COL4A4: variants seen among roughly 807,000 people sequenced by gnomAD.
COL4A4 encodes collagen type IV alpha 4 chain.
In COL4A4, 105 loss-of-function variants were observed where a neutral mutation model predicts 192.9. The ratio of observed to expected loss-of-function variants is 0.54; its 90% CI spans 0.46 to 0.64. COL4A4 has a LOEUF of 0.64. Among genes scored for constraint, COL4A4 ranks in the 30% least tolerant of loss-of-function variants. The probability of loss-of-function intolerance (pLI) is 0.00; values close to 1 mark genes in which losing one functional copy is unlikely to be tolerated. For synonymous variants in COL4A4, 762 were observed against 769.9 expected, an observed-to-expected ratio of 0.99 and a Z score of 0.17; for missense variants, 1,967 against 2,169.3, an observed-to-expected ratio of 0.91 and a Z score of 1.85.
At chr2:227,162,088 G>A (rs559175022) in intron 1 of COL4A4, among the ~76,000 whole-genome samples, 9 of 152,290 alleles carry the variant, frequency 5.9e-5, no homozygotes, top group African/African-American at 1.9e-4. Context: ...GCCCAGAGAG[G>A]TTAGGTCACA....
intron 46 of COL4A4, among the ~76,000 whole-genome samples, chr2:227,009,940 A>G (rs1963257487): frequency 6.6e-6 from 1 of 152,240 alleles, no homozygotes; most frequent in Non-Finnish European, 1.5e-5. Context: ...TTTTACATGT[A>G]AGTACAGGAA....
At chr2:226,997,789 T>C (rs1183705884), downstream of COL4A4, 3 of 152,226 alleles carry the variant, frequency 2.0e-5, no homozygotes, top group Non-Finnish European at 4.4e-5. Flanking sequence ...GTCATTTTAG[T>C]TATAAATGTA....
chr2:227,055,953 C>A lies in COL4A4; in HGVS notation c.2708G>T (p.Gly903Val). 1 of 1,613,852 alleles carries A rather than the reference C, an allele frequency of 6.2e-7. No individual in the cohort carries two copies. The highest frequency in any genetic ancestry group is 8.5e-7 in the Non-Finnish European group (1 of 1,179,916). ...FGDDGLPGPP[G>V]PKGPRGLPGF... is the part of the protein sequence containing the mutation. ...GAAAAAGCACTACCTACCCTTTGGA[C>A]CTGGAGGACCAGGTAGCCCATCATC... Residue 903 changes from glycine (G) to valine (V), a missense_variant, in exon 30 of 48, where the codon GGT (glycine) becomes GTT (valine). Coordinates refer to ENST00000396625, the MANE Select transcript of COL4A4 (RefSeq NM_000092.5).
upstream of COL4A4, chr2:227,164,414 T>C: frequency 2.2e-6 from 1 of 449,990 alleles, no homozygotes; most frequent in Non-Finnish European, 4.0e-6. The surrounding 1 kb of genome is among the most constrained non-coding windows in gnomAD (Gnocchi z 4.8). Flanking sequence ...CGCGCCCACC[T>C]GCCCCTCAGG....
At chr2:227,086,388 C>T (rs1003299564) in intron 22 of COL4A4, among the ~76,000 whole-genome samples, 6 of 152,040 alleles carry the variant, frequency 3.9e-5, no homozygotes, top group South Asian at 4.2e-4. Flanking sequence ...TTCCTCCTTT[C>T]CCTTCTTTTC....
chr2:227,026,451 A>G (rs1437465497), intron 42 of COL4A4, among the ~76,000 whole-genome samples: 1 of 151,466 alleles, frequency 6.6e-6, no homozygotes, highest in Non-Finnish European at 1.5e-5. Flanking sequence ...GTGAGCCGAG[A>G]TCGCACCACT....
chr2:227,057,852 A>G (rs934374224), intron 28 of COL4A4, among the ~76,000 whole-genome samples: 9 of 152,212 alleles, frequency 5.9e-5, no homozygotes, highest in African/African-American at 1.4e-4. Context: ...CAAATAAGAA[A>G]CCACTTGGTT....
In COL4A4 at chr2:227,057,507, T is replaced by A; in HGVS notation, c.2477A>T (p.His826Leu). 6.2e-7 allele frequency: 1 copy of A among 1,613,510 alleles called. No individual in the cohort carries two copies. Among genetic ancestry groups the A allele is most frequent in the Non-Finnish European group, 8.5e-7 (1 of 1,179,818 alleles). ...CCCTGGAGCACCTCTTTCACAGGAA[T>A]GGCCAGGTGGACCTGGGACACCTGG... ...GFPGVPGPPG[H>L]SCERGAPGIP... Residue 826 changes from histidine (H) to leucine (L), a missense_variant, in exon 29 of 48, where the codon CAT (histidine) becomes CTT (leucine). Transcript: ENST00000396625.
Position 227,158,610 on chromosome 2 carries a change from C to A in COL4A4, c.-102+5397G>T, listed in dbSNP as rs76436871. On this transcript the variant is annotated intron_variant, in intron 1 of 47. Transcript: ENST00000396625. ...TCTTGTATCCACAATATATAAATAA[C>A]TCTTACTATTCAACAATAAGAAGAT... Among the ~76,000 whole-genome samples the A allele has an allele frequency of 1.3e-3, 198 of 152,024 alleles. 4 individuals carry two copies. The East Asian group carries it at 0.033, about 25-fold the overall frequency.
the COL4A4 span, chr2:226,988,830 T>C: frequency 2.2e-6 from 1 of 463,300 alleles, no homozygotes. Context: ...AGGCTGACTT[T>C]TGCAGCTAGA....
At chr2:226,973,444 C>G in the COL4A4 span, among the ~76,000 whole-genome samples, 1 of 152,226 alleles carries the variant, frequency 6.6e-6, no homozygotes, top group Non-Finnish European at 1.5e-5. Context: ...TTTTTCCACT[C>G]TGTTTCCTCA....
chr2:227,101,533 G>GA lies in COL4A4; in HGVS notation c.999dup (p.Pro334SerfsTer96), dbSNP rs760803010. 6.2e-7 allele frequency: 1 copy of GA among 1,612,070 alleles called. No homozygotes were observed. Among genetic ancestry groups the GA allele is most frequent in the South Asian group, 1.1e-5 (1 of 90,804 alleles). Reference sequence around the variant, plus strand: ...GGGCCAATTAATCCAAATAGCCCAGGATCTCCAACCAGTCCTAGTTCTCCC... The same window carrying GA: ...GGGCCAATTAATCCAAATAGCCCAGGAATCTCCAACCAGTCCTAGTTCTCCC... On this transcript the variant is annotated frameshift_variant, in exon 17 of 48. Transcript: ENST00000396625. LOFTEE classifies it high-confidence loss of function.
the COL4A4 span, among the ~76,000 whole-genome samples, chr2:226,992,835 G>A: frequency 6.6e-6 from 1 of 152,152 alleles, no homozygotes; most frequent in African/African-American, 2.4e-5. Flanking sequence ...CAGAAGGTTC[G>A]CTGTTCTTCA....
At chr2:227,012,649 A>AAAAC (rs1964016210) in intron 44 of COL4A4, among the ~76,000 whole-genome samples, 1 of 151,484 alleles carries the variant, frequency 6.6e-6, no homozygotes, top group Non-Finnish European at 1.5e-5. Context: ...AAAAAAAAAA[A>AAAAC]CTACTGAACA....
intron 38 of COL4A4, 28 bp from the exon 39 acceptor site, chr2:227,032,304 A>G (rs1159838376): frequency 1.2e-6 from 2 of 1,600,030 alleles, no homozygotes; most frequent in African/African-American, 1.3e-5. Flanking sequence ...AATTAATACT[A>G]TATCTTCTCT....
intron 40 of COL4A4, 48 bp from the exon 41 acceptor site, chr2:227,030,646 G>A: frequency 6.8e-7 from 1 of 1,480,996 alleles, no homozygotes; most frequent in South Asian, 1.3e-5. Flanking sequence ...AAAGACGAAT[G>A]TGTATACTGG....
At chr2:227,082,667 T>C (rs976231073) in intron 22 of COL4A4, among the ~76,000 whole-genome samples, 1 of 152,162 alleles carries the variant, frequency 6.6e-6, no homozygotes, top group Non-Finnish European at 1.5e-5. Context: ...CTACAAGAGC[T>C]GCCACCAGAG....
At chr2:227,152,652 C>T (rs548244633) in intron 1 of COL4A4, among the ~76,000 whole-genome samples, 14 of 152,300 alleles carry the variant, frequency 9.2e-5, no homozygotes, top group South Asian at 2.1e-4. Flanking sequence ...CTTTGCAGTT[C>T]GCAAAGTGCA....
the COL4A4 span, among the ~76,000 whole-genome samples, chr2:226,991,841 C>T: frequency 7.2e-5 from 11 of 152,252 alleles, no homozygotes; most frequent in South Asian, 1.7e-3. Context: ...TTTTCAGTAG[C>T]CTCCTCTCAC....
Sources: gnomAD v4.1 joint callset for allele counts (sites outside exome capture counted in the v4.1 genomes callset) on GRCh38, gnomAD v4.1.1 for gene constraint, Gnocchi (gnomAD v3.1) non-coding constraint, MANE v1.5 for transcripts, NCBI Gene and HGNC (gene_info 2026-07-23, HGNC 2026-07-21) for gene names.